The following CATSPERE variants were observed in gnomAD, a reference collection of about 807,000 sequenced individuals.
CATSPERE encodes cation channel sperm-associated auxiliary subunit epsilon.
A neutral mutation model predicts 114.1 loss-of-function variants in CATSPERE; 93 were observed. The ratio of observed to expected loss-of-function variants is 0.81; its 90% CI spans 0.69 to 0.97. The LOEUF is 0.97. Ranked by LOEUF, CATSPERE falls within the 50% of genes least tolerant of loss-of-function variation. CATSPERE has a pLI of 0.00. For missense variants in CATSPERE, 1,058 were observed against 1,131.6 expected, an observed-to-expected ratio of 0.93 and a Z score of 0.93; for synonymous variants, 341 against 384.1, an observed-to-expected ratio of 0.89 and a Z score of 1.31.
intron 2 of CATSPERE, among the ~76,000 whole-genome samples, chr1:244,475,757 G>A (rs1452642134): frequency 2.0e-5 from 3 of 151,016 alleles, no homozygotes; most frequent in African/African-American, 7.3e-5. Flanking sequence ...GGATGGTCTC[G>A]ATCTCCTGAC....
chr1:244,638,527 T>G (rs946939938), intron 21 of CATSPERE, among the ~76,000 whole-genome samples: 2 of 152,182 alleles, frequency 1.3e-5, no homozygotes, highest in Non-Finnish European at 2.9e-5. Flanking sequence ...TGAGTTAGCA[T>G]CTATATACAC....
chr1:244,507,543 G>A (rs1675013912), intron 7 of CATSPERE, among the ~76,000 whole-genome samples: 1 of 152,100 alleles, frequency 6.6e-6, no homozygotes, highest in South Asian at 2.1e-4. Flanking sequence ...TGAAGTCTTA[G>A]CTGTAAAATG....
rs151011908 is a variant in CATSPERE at position 244,588,020 on chromosome 1, C to T, written c.2086-462C>T. 5.3e-3 allele frequency among the ~76,000 whole-genome samples: 806 copies of T among 152,084 alleles called. 1 individual carries two copies. The highest frequency in any genetic ancestry group is 8.8e-3 in the Admixed American group (134 of 15,248). On this transcript the variant is annotated intron_variant, in intron 13 of 21. Transcript: ENST00000366534. Reference sequence around the variant, plus strand: ...GACCAGCCTGACCAACATGGTGAAACCCTGTCTCTACTAAAAATACAAAAT... The same window carrying T: ...GACCAGCCTGACCAACATGGTGAAATCCTGTCTCTACTAAAAATACAAAAT...
Position 244,639,974 on chromosome 1 carries a change from CTCT to C in CATSPERE, c.2755_2757del (p.Phe919del). 6.5e-7 allele frequency: 1 copy of C among 1,550,380 alleles called. No homozygotes were observed. The highest frequency in any genetic ancestry group is 8.7e-7 in the Non-Finnish European group (1 of 1,146,676). On this transcript the variant is annotated inframe_deletion, in exon 22 of 22. Transcript: ENST00000366534. ...TTCTTTCCTCTTCGTCCTGATGCTG[CTCT>C]TCTTCACTATTCTTGTTTTGAGCTA...
chr1:244,500,288 G>C (rs1355996955), intron 7 of CATSPERE, among the ~76,000 whole-genome samples: 2 of 152,106 alleles, frequency 1.3e-5, no homozygotes, highest in African/African-American at 4.8e-5. Context: ...CTCCCATTCT[G>C]TAGTTTGCCT....
intron 19 of CATSPERE, 53 bp from the exon 20 acceptor site, chr1:244,617,476 C>T (rs778659517): frequency 1.8e-5 from 23 of 1,311,630 alleles, no homozygotes; most frequent in Admixed American, 3.3e-5. Context: ...TATAATTTTG[C>T]GTATCAAAGT....
chr1:244,594,851 T>C (rs978981563), intron 17 of CATSPERE, among the ~76,000 whole-genome samples: 1 of 152,162 alleles, frequency 6.6e-6, no homozygotes, highest in Admixed American at 6.5e-5. Flanking sequence ...TCTAAGACTC[T>C]ACCATGTGCC....
intron 4 of CATSPERE, among the ~76,000 whole-genome samples, chr1:244,479,000 C>T (rs1446599347): frequency 1.5e-5 from 2 of 133,078 alleles, no homozygotes; most frequent in African/African-American, 5.8e-5. Context: ...TGTACTCCAG[C>T]CTGGGGGACA....
intron 6 of CATSPERE, among the ~76,000 whole-genome samples, chr1:244,497,826 T>C (rs1463702957): frequency 1.3e-5 from 2 of 152,078 alleles, no homozygotes; most frequent in Non-Finnish European, 2.9e-5. Flanking sequence ...TTTTAAAAAA[T>C]GATACCACAG....
intron 11 of CATSPERE, among the ~76,000 whole-genome samples, chr1:244,580,339 T>C (rs1451185039): frequency 6.6e-6 from 1 of 150,956 alleles, no homozygotes; most frequent in East Asian, 2.0e-4. Context: ...ATCTCTGAAA[T>C]CAGGATGAGT....
intron 17 of CATSPERE, among the ~76,000 whole-genome samples, chr1:244,605,129 AG>A (rs1669808318): frequency 6.6e-6 from 1 of 152,156 alleles, no homozygotes; most frequent in South Asian, 2.1e-4. Context: ...GGTTCCTCCT[AG>A]GGGGATCTGC....
At chr1:244,529,865 C>A (rs1679310698) in intron 8 of CATSPERE, among the ~76,000 whole-genome samples, 2 of 152,082 alleles carry the variant, frequency 1.3e-5, no homozygotes, top group Non-Finnish European at 2.9e-5. Context: ...AGACTTAAGT[C>A]TTTAATTCAC....
upstream of CATSPERE, among the ~76,000 whole-genome samples, chr1:244,457,956 AATAATT>A (rs1666307986): frequency 1.3e-5 from 2 of 152,212 alleles, no homozygotes; most frequent in African/African-American, 4.8e-5. Flanking sequence ...TGTTATCAGT[AATAATT>A]ATAATTATTA....
chr1:244,578,823 C>CATATATATATATATATATATAT (rs10695652), intron 11 of CATSPERE, among the ~76,000 whole-genome samples: 11 of 133,000 alleles, frequency 8.3e-5, no homozygotes, highest in African/African-American at 2.2e-4. Flanking sequence ...GGTGCATATA[C>CATATATATATATATATATATAT]ATATATATAT....
intron 2 of CATSPERE, among the ~76,000 whole-genome samples, chr1:244,468,814 C>T (rs1023951276): frequency 6.6e-5 from 10 of 152,070 alleles, no homozygotes; most frequent in African/African-American, 9.6e-5. Flanking sequence ...GCTACTTGGG[C>T]GGCTGAGGTG....
chr1:244,465,101 T>C (rs944131865), intron 2 of CATSPERE, among the ~76,000 whole-genome samples: 4 of 151,402 alleles, frequency 2.6e-5, no homozygotes, highest in African/African-American at 9.7e-5. Flanking sequence ...AGTGGTGCAA[T>C]CTTGGCTCAC....
At chr1:244,476,126 G>C (rs1669307034) in intron 2 of CATSPERE, among the ~76,000 whole-genome samples, 2 of 151,968 alleles carry the variant, frequency 1.3e-5, no homozygotes, top group Non-Finnish European at 2.9e-5. Flanking sequence ...GCTTGCAAAT[G>C]ATGTATATAT....
chr1:244,566,652 CTTT>C (rs59466928), intron 10 of CATSPERE, among the ~76,000 whole-genome samples: 3 of 49,116 alleles, frequency 6.1e-5, no homozygotes, highest in African/African-American at 1.3e-4. Context: ...GCAACCCCTG[CTTT>C]TTTTTTTTTT....
At chr1:244,581,370 C>T (rs1312355896) in intron 11 of CATSPERE, among the ~76,000 whole-genome samples, 2 of 152,072 alleles carry the variant, frequency 1.3e-5, no homozygotes, top group Non-Finnish European at 2.9e-5. Context: ...AATAATGTTA[C>T]AATGAATATT....
Sources: gnomAD v4.1 joint callset for allele counts (sites outside exome capture counted in the v4.1 genomes callset) on GRCh38, gnomAD v4.1.1 for gene constraint, MANE v1.5 for transcripts, NCBI Gene and HGNC (gene_info 2026-07-23, HGNC 2026-07-21) for gene names.